Variants in RAB7B observed in about 807,000 individuals in gnomAD.
The protein encoded by RAB7B is ras-related protein Rab-7b.
At chr1:206,002,426 A>T (rs1660906407) in intron 1 of RAB7B, among the ~76,000 whole-genome samples, 1 of 152,148 alleles carries the variant, frequency 6.6e-6, no homozygotes, top group Non-Finnish European at 1.5e-5. Context: ...CAATGCTGGG[A>T]TTCTAGAGGT....
chr1:205,988,049 C>A (rs1660644775), intron 4 of RAB7B, among the ~76,000 whole-genome samples: 2 of 151,944 alleles, frequency 1.3e-5, no homozygotes, highest in Non-Finnish European at 2.9e-5. Flanking sequence ...TCATTGTAAC[C>A]ATTTTTAAGC....
chr1:205,987,136 C>T (rs949562805), intron 4 of RAB7B, among the ~76,000 whole-genome samples: 132 of 152,256 alleles, frequency 8.7e-4, no homozygotes, highest in African/African-American at 3.1e-3. Flanking sequence ...ATCTCCCCCT[C>T]CTCCCCACCC....
chr1:205,992,940 C>T (rs1420792782), intron 3 of RAB7B, among the ~76,000 whole-genome samples: 11 of 152,210 alleles, frequency 7.2e-5, no homozygotes, highest in Admixed American at 5.9e-4. Context: ...TCCTCTGGGT[C>T]ATCAAGGTGG....
At chr1:205,979,583 G>A (rs1396503891) in intron 5 of RAB7B, among the ~76,000 whole-genome samples, 2 of 152,088 alleles carry the variant, frequency 1.3e-5, no homozygotes, top group Admixed American at 6.5e-5. Flanking sequence ...TGGTATGGAG[G>A]AGGGGGCCCT....
intron 1 of RAB7B, among the ~76,000 whole-genome samples, chr1:205,996,921 A>T (rs1660819322): frequency 6.6e-6 from 1 of 152,036 alleles, no homozygotes; most frequent in East Asian, 1.9e-4. Context: ...TGGGGAAACC[A>T]CTCCCATGAT....
Position 205,985,572 on chromosome 1 carries a change from A to T in RAB7B, c.490T>A (p.Phe164Ile). 2.5e-6 allele frequency: 1 copy of T among 398,830 alleles called. No homozygotes were observed. The highest frequency in any genetic ancestry group is 4.4e-6 in the Non-Finnish European group (1 of 226,216). 24.7% of individuals were successfully genotyped at this position (398,830 alleles called of 1,614,324 possible). Residue 164 changes from phenylalanine (F) to isoleucine (I), a missense_variant, in exon 5 of 6, where the codon TTT becomes ATT. Coordinates refer to ENST00000617070, the MANE Select transcript of RAB7B (RefSeq NM_001164522.3). ...AGAGCCCTACTGGCCAGCATCTCAA[A>T]CGCTTGCACCACATTGATGTCATTC... is the stretch of plus-strand genomic sequence containing the variant. ...AKNDINVVQA[F>I]EMLASRALSR...
At chr1:205,998,295 G>A in intron 1 of RAB7B, among the ~76,000 whole-genome samples, 1 of 152,320 alleles carries the variant, frequency 6.6e-6, no homozygotes, top group South Asian at 2.1e-4. Context: ...GGCAGAGGTT[G>A]CAGTGAGCCG....
intron 1 of RAB7B, among the ~76,000 whole-genome samples, chr1:206,000,889 C>T (rs1283467588): frequency 6.6e-6 from 1 of 152,232 alleles, no homozygotes; most frequent in African/African-American, 2.4e-5. Context: ...GAGCTGCCTC[C>T]CGCTCCTAGG....
At chr1:205,997,979 A>G (rs1030059597) in intron 1 of RAB7B, among the ~76,000 whole-genome samples, 1 of 152,314 alleles carries the variant, frequency 6.6e-6, no homozygotes, top group South Asian at 2.1e-4. Flanking sequence ...GACAAGTACA[A>G]CCAAGCTCCA....
chr1:205,991,232 A>T (rs940353088), intron 4 of RAB7B, among the ~76,000 whole-genome samples: 8,207 of 152,206 alleles, frequency 0.054, 221 homozygotes, highest in Admixed American at 0.062. Context: ...GATTCTAAGG[A>T]CCTATTCCCT....
At chr1:205,991,995 A>G (rs2102639776) in intron 4 of RAB7B, among the ~76,000 whole-genome samples, 2 of 152,362 alleles carry the variant, frequency 1.3e-5, no homozygotes, top group South Asian at 4.1e-4. Flanking sequence ...GAAAACTTGT[A>G]TATCCAAGAA....
chr1:206,000,522 T>C (rs1660875437), intron 1 of RAB7B, among the ~76,000 whole-genome samples: 1 of 152,228 alleles, frequency 6.6e-6, no homozygotes, highest in East Asian at 1.9e-4. Context: ...TTACTGAACC[T>C]TGGGGCGTCT....
intron 5 of RAB7B, among the ~76,000 whole-genome samples, chr1:205,981,259 A>G (rs1180767115): frequency 6.6e-6 from 1 of 152,158 alleles, no homozygotes; most frequent in Admixed American, 6.5e-5. Flanking sequence ...AAGCTGGTGG[A>G]TATCTCTTCT....
intron 1 of RAB7B, among the ~76,000 whole-genome samples, chr1:206,001,925 A>G (rs1660899129): frequency 6.6e-6 from 1 of 152,260 alleles, no homozygotes; most frequent in East Asian, 1.9e-4. Flanking sequence ...GAAACCAGGT[A>G]CAATCTTCTG....
chr1:205,987,472 A>C (rs1660631433), intron 4 of RAB7B, among the ~76,000 whole-genome samples: 1 of 152,244 alleles, frequency 6.6e-6, no homozygotes, highest in Non-Finnish European at 1.5e-5. Flanking sequence ...TCCAGTTGGC[A>C]TCATTTTATT....
chr1:205,978,953 A>G (rs1660436636), intron 5 of RAB7B, 25 bp from the exon 6 acceptor site: 1 of 398,640 alleles, frequency 2.5e-6, no homozygotes, highest in African/African-American at 2.1e-5. Flanking sequence ...AGAGGCCGGC[A>G]TTCATGTCCT....
intron 1 of RAB7B, among the ~76,000 whole-genome samples, chr1:205,996,387 G>A (rs1484002626): frequency 2.0e-5 from 3 of 152,226 alleles, no homozygotes; most frequent in East Asian, 1.9e-4. Context: ...CCTGCTACTT[G>A]GAAAAAGCTG....
At chr1:205,982,988 C>A (rs1053146450) in intron 5 of RAB7B, among the ~76,000 whole-genome samples, 2 of 152,228 alleles carry the variant, frequency 1.3e-5, no homozygotes, top group Non-Finnish European at 2.9e-5. Context: ...AACAAAGACA[C>A]TGCAGAAAGT....
In RAB7B at chr1:205,985,750, A is replaced by ACCAGGCCCACCAGGCCCACCC. The variant is rs1660583920; in HGVS notation, c.397-86_397-85insGGGTGGGCCTGGTGGGCCTGG. 10 of 344,340 alleles carry ACCAGGCCCACCAGGCCCACCC rather than the reference A, an allele frequency of 2.9e-5. 3 individuals are homozygous for ACCAGGCCCACCAGGCCCACCC. The highest frequency in any genetic ancestry group is 1.1e-4 in the South Asian group (1 of 9,104). 21.3% of individuals were successfully genotyped at this position (344,340 alleles called of 1,614,324 possible). On this transcript the variant is annotated intron_variant, in intron 4 of 5. Coordinates refer to ENST00000617070, the MANE Select transcript of RAB7B (RefSeq NM_001164522.3). ...CCACCATCACATCCCCACCATCCCC[A>ACCAGGCCCACCAGGCCCACCC]TCAGGCCCACCATCCCCACCATCCC...
Sources: gnomAD v4.1 joint callset for allele counts (sites outside exome capture counted in the v4.1 genomes callset) on GRCh38, gnomAD v4.1.1 for gene constraint, MANE v1.5 for transcripts, NCBI Gene and HGNC (gene_info 2026-07-23, HGNC 2026-07-21) for gene names.